Variants in HPGD observed in about 807,000 individuals in gnomAD.
The protein encoded by HPGD is 15-hydroxyprostaglandin dehydrogenase [NAD(+)].
HPGD carries 29 observed loss-of-function variants against 30.0 expected under a neutral mutation model. The observed-to-expected ratio is 0.97, with a 90% CI of 0.72 to 1.32. HPGD has a LOEUF of 1.32. Among genes scored for constraint, HPGD ranks in the 40% most tolerant of loss-of-function variants. The pLI is 0.00. For synonymous variants in HPGD, 99 were observed against 112.4 expected (o/e 0.88, Z 0.75); for missense variants, 340 against 322.1 (o/e 1.06, Z -0.43).
At chr4:174,516,736 T>C (rs12647906) in intron 3 of HPGD, among the ~76,000 whole-genome samples, 25,128 of 152,076 alleles carry the variant, frequency 0.17, 2,474 homozygotes, top group East Asian at 0.29. Flanking sequence ...GGGAGCAATT[T>C]TGTACTCTTC....
At chr4:174,501,575 T>C (rs1461757074) in intron 4 of HPGD, among the ~76,000 whole-genome samples, 3 of 152,156 alleles carry the variant, frequency 2.0e-5, no homozygotes, top group Non-Finnish European at 4.4e-5. Flanking sequence ...AGCAGATTTA[T>C]GTCTGTCACA....
At chr4:174,500,366 T>C (rs759738415) in intron 4 of HPGD, among the ~76,000 whole-genome samples, 23 of 152,318 alleles carry the variant, frequency 1.5e-4, no homozygotes, top group Non-Finnish European at 3.1e-4. Context: ...CTTTCAAAAG[T>C]AAACATGCAA....
At chr4:174,503,616 C>T (rs988081412) in intron 4 of HPGD, among the ~76,000 whole-genome samples, 1 of 152,066 alleles carries the variant, frequency 6.6e-6, no homozygotes, top group African/African-American at 2.4e-5. Flanking sequence ...AGAAGATGAT[C>T]AATGTTTTAT....
rs1313388633 is a variant in HPGD, at chr4:174,491,670, A to G, written c.*286T>C. ...ATTTATGAAGCACAGATATAAATACACTTTCTGAAAGGCAGAATATTGAAT... is the reference window on the plus strand; with the variant it reads ...ATTTATGAAGCACAGATATAAATACGCTTTCTGAAAGGCAGAATATTGAAT... On this transcript the variant is annotated 3_prime_UTR_variant, in exon 7 of 7. Coordinates refer to ENST00000296522, the MANE Select transcript of HPGD (RefSeq NM_000860.6). 1 of 363,370 alleles carries G rather than the reference A, an allele frequency of 2.8e-6. No homozygotes were observed. The highest frequency in any genetic ancestry group is 4.2e-5 in the Admixed American group (1 of 23,986). The allele number at this position is 363,370 out of a possible 1,614,324, so 22.5% of individuals were successfully genotyped here. A position where few individuals can be genotyped will look rare whatever the true frequency, so the allele number is the denominator to read the frequency against.
Position 174,493,136 on chromosome 4 carries a change from C to G in HPGD, c.662+15G>C, listed in dbSNP as rs1252759250. The stretch of plus-strand genomic sequence containing the variant: ...GCTTCATCATTTAAAAGAAAATAGA[C>G]ATAGTTTTACTTACTCCAAAATTCC... On this transcript the variant is annotated intron_variant, in intron 6 of 6. Coordinates refer to ENST00000296522, the MANE Select transcript of HPGD (RefSeq NM_000860.6). 1 of 1,546,896 alleles carries G rather than the reference C, an allele frequency of 6.5e-7. No individual in the cohort carries two copies. The highest frequency in any genetic ancestry group is 2.3e-5 in the East Asian group (1 of 43,868).
In HPGD at chr4:174,493,281, G is replaced by A. The variant is rs780703149; in HGVS notation, c.532C>T (p.Leu178=). ...ACAAAGCCTGGACAAATGGCATTCA[G>A]TCTCACACCACTGTTCATAAGATTA... is the stretch of plus-strand genomic sequence containing the variant. ...AANLMNSGVR[L]NAICPGFVNT... is the part of the protein sequence containing the mutation. Residue 178 remains leucine (L), a synonymous_variant, in exon 6 of 7, where the codon CTG becomes TTG. Coordinates refer to ENST00000296522, the MANE Select transcript of HPGD (RefSeq NM_000860.6). The A allele has an allele frequency of 6.2e-7, 1 of 1,613,248 alleles. No homozygotes were observed. Among genetic ancestry groups the A allele is most frequent in the East Asian group, 2.2e-5 (1 of 44,788 alleles).
chr4:174,493,241 AG>A lies in HPGD; in HGVS notation c.571del (p.Glu192AsnfsTer13). ...ICPGFVNTAILESIEKEENMG... is the reference protein window; with the variant it reads ...ICPGFVNTAIXESIEKEENMG... Reference sequence around the variant, plus strand: ...GTTTTCTTCTTTTTCAATTGATTCAAGGATGGCTGTGTTAACAAAGCCTGGA... The same window carrying A: ...GTTTTCTTCTTTTTCAATTGATTCAAGATGGCTGTGTTAACAAAGCCTGGA... On this transcript the variant is annotated frameshift_variant, in exon 6 of 7. Coordinates refer to ENST00000296522, the MANE Select transcript of HPGD (RefSeq NM_000860.6). LOFTEE classifies it high-confidence loss of function. 1 of 1,613,108 alleles carries A rather than the reference AG, an allele frequency of 6.2e-7. No individual in the cohort carries two copies. Among genetic ancestry groups the A allele is most frequent in the Non-Finnish European group, 8.5e-7 (1 of 1,179,240 alleles).
At chr4:174,504,653 C>CAAA (rs1170458446) in intron 4 of HPGD, among the ~76,000 whole-genome samples, 2 of 130,816 alleles carry the variant, frequency 1.5e-5, no homozygotes, top group South Asian at 5.1e-4. Flanking sequence ...ACTAAAAATA[C>CAAA]AAAAAAAAAA....
intron 1 of HPGD, 116 bp downstream of exon 1, chr4:174,522,243 G>A: frequency 7.3e-7 from 1 of 1,374,078 alleles, no homozygotes. Flanking sequence ...TTTTGGAAGT[G>A]GCAAAGTGGG....
intron 3 of HPGD, among the ~76,000 whole-genome samples, chr4:174,511,215 G>A (rs1412031347): frequency 1.1e-4 from 16 of 144,312 alleles, no homozygotes; most frequent in Non-Finnish European, 1.1e-4. Flanking sequence ...GTGCATTTCA[G>A]AAAAAAAAAA....
chr4:174,498,937 G>T (rs1448881857), intron 4 of HPGD, among the ~76,000 whole-genome samples: 3 of 152,064 alleles, frequency 2.0e-5, no homozygotes, highest in Non-Finnish European at 2.9e-5. Flanking sequence ...ATTTTAGTTG[G>T]GGGTGGACAT....
At chr4:174,507,034 C>A (rs1415855130) in intron 4 of HPGD, 1 of 152,192 alleles carries the variant, frequency 6.6e-6, no homozygotes, top group African/African-American at 2.4e-5. Flanking sequence ...TACTAAATAT[C>A]TCTTTTTAAT....
rs1734914396 is a variant in HPGD at position 174,501,818 on chromosome 4, G to A, written c.422-6194C>T. Among the ~76,000 whole-genome samples the A allele has an allele frequency of 2.0e-5, 3 of 152,064 alleles. No homozygotes were observed. In the South Asian group the frequency reaches 6.2e-4, roughly 32 times the overall value. ...AAATGTAAATTCCATCTCTACATTA[G>A]TTCTTCTATTCTTCATAATCTTTCT... On this transcript the variant is annotated intron_variant, in intron 4 of 6. Transcript: ENST00000296522.
At chr4:174,509,847 T>C (rs928675656) in intron 3 of HPGD, among the ~76,000 whole-genome samples, 4 of 152,064 alleles carry the variant, frequency 2.6e-5, no homozygotes, top group African/African-American at 9.7e-5. Flanking sequence ...CTTTTGATAG[T>C]TGACTGTTTT....
Position 174,522,458 on chromosome 4 carries a change from GC to G in HPGD, c.-8del. 2 of 1,566,356 alleles carry G rather than the reference GC, an allele frequency of 1.3e-6. No homozygotes were observed. The highest frequency in any genetic ancestry group is 1.7e-6 in the Non-Finnish European group (2 of 1,155,168). On this transcript the variant is annotated 5_prime_UTR_variant, in exon 1 of 7. Coordinates refer to ENST00000296522, the MANE Select transcript of HPGD (RefSeq NM_000860.6). ...CTTTGCCGTTCACGTGCATGGTGCA[GC>G]CACTGCTGGGGCGGGCGGTGGGCGA...
At chr4:174,500,204 C>T (rs769478054) in intron 4 of HPGD, among the ~76,000 whole-genome samples, 1 of 152,154 alleles carries the variant, frequency 6.6e-6, no homozygotes, top group Non-Finnish European at 1.5e-5. Context: ...ATTAAAACAA[C>T]AATGAGATTC....
At chr4:174,511,479 T>A (rs929159866) in intron 3 of HPGD, among the ~76,000 whole-genome samples, 1 of 152,068 alleles carries the variant, frequency 6.6e-6, no homozygotes, top group African/African-American at 2.4e-5. Flanking sequence ...TCCACATCAG[T>A]GGGGATGAAC....
intron 5 of HPGD, 174 bp downstream of exon 5, chr4:174,495,370 GATCT>G: frequency 1.6e-6 from 1 of 617,288 alleles, no homozygotes. Flanking sequence ...ATTTAAAAAT[GATCT>G]ATTATTTATT....
At chr4:174,513,433 C>G (rs1307336528) in intron 3 of HPGD, among the ~76,000 whole-genome samples, 1 of 151,282 alleles carries the variant, frequency 6.6e-6, no homozygotes, top group African/African-American at 2.4e-5. Context: ...TCAGGGGTAT[C>G]CTCCAAAGAG....
Sources: allele counts gnomAD v4.1 joint callset (sites outside exome capture counted in the v4.1 genomes callset), GRCh38; gene constraint gnomAD v4.1.1; transcripts MANE v1.5; gene names NCBI Gene and HGNC (gene_info 2026-07-23, HGNC 2026-07-21).